Variants in CSMD1 observed in about 807,000 individuals in gnomAD.
CSMD1 encodes CUB and sushi domain-containing protein 1.
A neutral mutation model predicts 417.5 loss-of-function variants in CSMD1; 213 were observed. The ratio of observed to expected loss-of-function variants is 0.51; its 90% CI spans 0.46 to 0.57. CSMD1 has a LOEUF of 0.57. Ranked by LOEUF, CSMD1 falls within the 20% of genes least tolerant of loss-of-function variation. CSMD1 has a pLI of 0.00. For missense variants in CSMD1, 6,923 were observed against 4,529.7 expected (o/e 1.53, Z -15.17); for synonymous variants, 2,862 against 1,736.8 (o/e 1.65, Z -16.11).
chr8:3,313,329 G>C (rs1358039906), intron 23 of CSMD1, among the ~76,000 whole-genome samples: 5 of 152,084 alleles, frequency 3.3e-5, no homozygotes, highest in Non-Finnish European at 5.9e-5. Flanking sequence ...AGAGTGAACA[G>C]GCAACATACA....
At chr8:2,982,534 G>C (rs1805513057) in intron 54 of CSMD1, among the ~76,000 whole-genome samples, 1 of 152,194 alleles carries the variant, frequency 6.6e-6, no homozygotes, top group African/African-American at 2.4e-5. Flanking sequence ...TGTGTTTTGA[G>C]ATTTGATGGT....
intron 3 of CSMD1, among the ~76,000 whole-genome samples, chr8:4,121,540 T>G (rs969361299): frequency 2.6e-5 from 4 of 151,914 alleles, no homozygotes; most frequent in African/African-American, 7.3e-5. Flanking sequence ...TTAATAGAAG[T>G]GAAGCAATTG....
chr8:3,245,229 C>T (rs1321831318), intron 26 of CSMD1, among the ~76,000 whole-genome samples: 1 of 152,178 alleles, frequency 6.6e-6, no homozygotes, highest in East Asian at 1.9e-4. Flanking sequence ...TCCTTGAGTC[C>T]TCCCTGTCCA....
At chr8:3,751,167 G>C (rs1042202431) in intron 6 of CSMD1, among the ~76,000 whole-genome samples, 4 of 152,080 alleles carry the variant, frequency 2.6e-5, no homozygotes, top group Non-Finnish European at 2.9e-5. Flanking sequence ...GAACTTTAAA[G>C]TCAGCCTTGA....
chr8:4,454,223 C>A (rs1030186166), intron 2 of CSMD1, among the ~76,000 whole-genome samples: 1 of 152,112 alleles, frequency 6.6e-6, no homozygotes, highest in Non-Finnish European at 1.5e-5. Context: ...TATCCACCCC[C>A]AACACCGCCA....
At chr8:4,479,120 G>C (rs747831223) in intron 2 of CSMD1, among the ~76,000 whole-genome samples, 6 of 152,072 alleles carry the variant, frequency 3.9e-5, no homozygotes, top group Admixed American at 2.0e-4. Context: ...CTGGCATAGA[G>C]AAAATTACAA....
At chr8:3,492,425 G>A (rs1364626573) in intron 11 of CSMD1, among the ~76,000 whole-genome samples, 1 of 152,268 alleles carries the variant, frequency 6.6e-6, no homozygotes, top group South Asian at 2.1e-4. Flanking sequence ...AGTAGACAAA[G>A]AAAGCAAGGT....
At chr8:3,332,565 C>T (rs536703217) in intron 23 of CSMD1, among the ~76,000 whole-genome samples, 1 of 152,232 alleles carries the variant, frequency 6.6e-6, no homozygotes, top group Non-Finnish European at 1.5e-5. Context: ...AGATTAACTA[C>T]TGTAAGCTGA....
intron 11 of CSMD1, among the ~76,000 whole-genome samples, chr8:3,476,912 C>CAAA (rs761021655): frequency 7.0e-4 from 89 of 126,824 alleles, no homozygotes; most frequent in East Asian, 3.3e-3. Context: ...AACTCCGCCT[C>CAAA]AAAAAAAAAA....
chr8:4,308,376 T>C (rs1798366969), intron 3 of CSMD1, among the ~76,000 whole-genome samples: 2 of 152,012 alleles, frequency 1.3e-5, no homozygotes, highest in African/African-American at 2.4e-5. Flanking sequence ...GTGTGTTCTG[T>C]GCACAGTCTG....
intron 3 of CSMD1, among the ~76,000 whole-genome samples, chr8:4,299,482 C>G (rs1201790229): frequency 6.6e-6 from 1 of 152,168 alleles, no homozygotes; most frequent in Non-Finnish European, 1.5e-5. Flanking sequence ...CAGATACTTA[C>G]TCAATAGCCA....
At chr8:3,029,286 G>A (rs531120722) in intron 51 of CSMD1, 33 bp downstream of exon 51, 10 of 1,558,130 alleles carry the variant, frequency 6.4e-6, no homozygotes, top group African/African-American at 2.8e-5. Flanking sequence ...CTAGGATGCC[G>A]TGACTTTCAG....
chr8:3,131,263 C>G (rs1267331700), intron 41 of CSMD1, among the ~76,000 whole-genome samples: 2 of 151,820 alleles, frequency 1.3e-5, no homozygotes, highest in African/African-American at 4.8e-5. Context: ...GGTGTAGTAA[C>G]ATTTTGAAAT....
intron 3 of CSMD1, among the ~76,000 whole-genome samples, chr8:4,374,853 C>T (rs1264546538): frequency 4.7e-5 from 7 of 150,310 alleles, no homozygotes; most frequent in African/African-American, 1.7e-4. Context: ...TTTAAAGAAC[C>T]TAGGGGCTAA....
At chr8:3,812,320 C>A (rs1801134286) in intron 5 of CSMD1, among the ~76,000 whole-genome samples, 1 of 152,118 alleles carries the variant, frequency 6.6e-6, no homozygotes, top group Non-Finnish European at 1.5e-5. Flanking sequence ...CTGAGCTTTG[C>A]CTCTCAATGA....
At chr8:4,428,629 C>T (rs761927431) in intron 2 of CSMD1, among the ~76,000 whole-genome samples, 10 of 151,952 alleles carry the variant, frequency 6.6e-5, no homozygotes, top group East Asian at 1.9e-4. Context: ...TTAGGAAACA[C>T]GGAAACTACA....
intron 1 of CSMD1, among the ~76,000 whole-genome samples, chr8:4,775,024 C>G (rs1237488176): frequency 2.0e-5 from 3 of 151,772 alleles, no homozygotes; most frequent in African/African-American, 7.3e-5. Context: ...TGAGAATGGA[C>G]TAATATATGA....
chr8:3,168,107 T>C (rs1040951684), intron 37 of CSMD1, among the ~76,000 whole-genome samples: 1 of 150,054 alleles, frequency 6.7e-6, no homozygotes, highest in African/African-American at 2.4e-5. Context: ...AAAAAGTTGA[T>C]AAGCAGAGAG....
intron 1 of CSMD1, among the ~76,000 whole-genome samples, chr8:4,711,178 C>CCTTTTAT (rs1808271722): frequency 6.6e-6 from 1 of 150,620 alleles, no homozygotes; most frequent in Non-Finnish European, 1.5e-5. Flanking sequence ...AAACCATGAT[C>CCTTTTAT]CTTTTATTAC....
Sources: allele counts gnomAD v4.1 joint callset (sites outside exome capture counted in the v4.1 genomes callset), GRCh38; gene constraint gnomAD v4.1.1; transcripts MANE v1.5; gene names NCBI Gene and HGNC (gene_info 2026-07-23, HGNC 2026-07-21).